The following RDH11 variants were observed in gnomAD, a reference collection of about 807,000 sequenced individuals.
The protein encoded by RDH11 is HCV core-binding protein HCBP12.
In RDH11, 19 loss-of-function variants were observed where a neutral mutation model predicts 33.4. The ratio of observed to expected loss-of-function variants is 0.57; its 90% confidence interval spans 0.40 to 0.83. The LOEUF (loss-of-function observed/expected upper bound fraction) is 0.83, where lower values mean the gene tolerates loss of function less well. Among genes scored for constraint, RDH11 ranks in the 40% least tolerant of loss-of-function variants. The pLI is 0.00. For missense variants in RDH11, 353 were observed against 389.0 expected (o/e 0.91, Z 0.78); for synonymous variants, 154 against 155.3 (o/e 0.99, Z 0.06).
Position 67,695,722 on chromosome 14 carries a change from C to A in RDH11, c.-19G>T, listed in dbSNP as rs1050094223. ...CAACCATCTCTGCCGGCTGCAGCGG[C>A]ACCAGAGCGGGATGCTCCAGCGTTG... On this transcript the variant is annotated 5_prime_UTR_variant, in exon 1 of 7. Transcript: ENST00000381346. 7 of 1,613,262 alleles carry A rather than the reference C, an allele frequency of 4.3e-6. No individual in the cohort carries two copies. In the African/African-American group the frequency reaches 5.3e-5, roughly 12 times the overall value.
chr14:67,692,417 T>C, intron 3 of RDH11, 21 bp downstream of exon 3: 1 of 1,612,948 alleles, frequency 6.2e-7, no homozygotes, highest in Non-Finnish European at 8.5e-7. Context: ...CACAACATAG[T>C]CTCTCTAGTT....
chr14:67,678,893 A>AC (rs2037577152), intron 6 of RDH11, among the ~76,000 whole-genome samples: 1 of 152,220 alleles, frequency 6.6e-6, no homozygotes, highest in Non-Finnish European at 1.5e-5. Flanking sequence ...ACTGTTAGTA[A>AC]ACTCATATGA....
intron 5 of RDH11, among the ~76,000 whole-genome samples, chr14:67,685,807 G>C (rs1047322718): frequency 5.3e-5 from 8 of 151,952 alleles, no homozygotes; most frequent in African/African-American, 1.9e-4. Context: ...GTGGAGACGG[G>C]ATTTCATCAT....
intron 3 of RDH11, 71 bp from the exon 4 acceptor site, chr14:67,691,315 G>T: frequency 2.0e-6 from 2 of 999,326 alleles, no homozygotes; most frequent in South Asian, 1.3e-5. Context: ...GCTGCCTCAC[G>T]CTCAGGCTTT....
chr14:67,679,069 C>T (rs2037580028), intron 6 of RDH11, among the ~76,000 whole-genome samples: 1 of 152,288 alleles, frequency 6.6e-6, no homozygotes, highest in East Asian at 1.9e-4. Context: ...ATTATGGAAG[C>T]TGAGAAGTCC....
chr14:67,679,466 C>T (rs556975857), intron 6 of RDH11, among the ~76,000 whole-genome samples: 1 of 148,014 alleles, frequency 6.8e-6, no homozygotes, highest in African/African-American at 2.5e-5. Context: ...TGCAGTGATG[C>T]GATCTCAGCT....
rs2037821611 is a variant in RDH11, at chr14:67,695,640, G to T, written c.64C>A (p.Pro22Thr). Residue 22 changes from proline (P) to threonine (T), a missense_variant, in exon 1 of 7, where the codon CCC becomes ACC. Coordinates refer to ENST00000381346, the MANE Select transcript of RDH11 (RefSeq NM_016026.4). The part of the protein sequence containing the change: ...LLPFLLYMAA[P>T]QIRKMLSSGV... ...TACATTTGCACAGACCTGATTTGGG[G>T]CGCAGCCATATACAGAAGGAAGGGC... 2 of 1,613,984 alleles carry T rather than the reference G, an allele frequency of 1.2e-6. No homozygotes were observed. Among genetic ancestry groups the T allele is most frequent in the African/African-American group, 2.7e-5 (2 of 74,954 alleles).
At chr14:67,682,566 A>T (rs2037628303) in intron 6 of RDH11, among the ~76,000 whole-genome samples, 1 of 152,238 alleles carries the variant, frequency 6.6e-6, no homozygotes, top group Non-Finnish European at 1.5e-5. Flanking sequence ...CTTCATACTC[A>T]CTAGGATGGC....
chr14:67,682,839 A>C (rs895303212), intron 6 of RDH11, among the ~76,000 whole-genome samples: 1 of 152,242 alleles, frequency 6.6e-6, no homozygotes, highest in Non-Finnish European at 1.5e-5. Flanking sequence ...AATGCCCATC[A>C]CCTGATGAAT....
intron 6 of RDH11, 132 bp downstream of exon 6, chr14:67,684,883 G>A: frequency 3.2e-6 from 2 of 615,944 alleles, no homozygotes; most frequent in Middle Eastern, 3.8e-4. Context: ...CTACTAAAAG[G>A]TAAAAACTCT....
chr14:67,680,655 CATT>C (rs2037604096), intron 6 of RDH11, among the ~76,000 whole-genome samples: 1 of 152,162 alleles, frequency 6.6e-6, no homozygotes, highest in East Asian at 1.9e-4. Flanking sequence ...GATGGGGTCT[CATT>C]ATGTTGCCTA....
chr14:67,678,845 A>C (rs149715580), intron 6 of RDH11, among the ~76,000 whole-genome samples: 2 of 152,232 alleles, frequency 1.3e-5, no homozygotes, highest in East Asian at 3.9e-4. Flanking sequence ...TAGTAAAAAA[A>C]AAAAAGAAAT....
In RDH11 at chr14:67,678,101, T is replaced by TTA. The variant is rs1265090120; in HGVS notation, c.*219_*220insTA. Reference sequence around the variant, plus strand: ...TCTTATCCTATTATGATATCTCTAGTAACTCTGGCAGTAACAGAAGCAAAG... The same window carrying TTA: ...TCTTATCCTATTATGATATCTCTAGTTAAACTCTGGCAGTAACAGAAGCAAAG... On this transcript the variant is annotated 3_prime_UTR_variant, in exon 7 of 7. Coordinates refer to ENST00000381346, the MANE Select transcript of RDH11 (RefSeq NM_016026.4). 2.0e-4 allele frequency: 98 copies of TTA among 482,332 alleles called. No individual in the cohort carries two copies. Among genetic ancestry groups the TTA allele is most frequent in the Middle Eastern group, 1.2e-3 (2 of 1,698 alleles). The allele number at this position is 482,332 out of a possible 1,614,324, so 29.9% of individuals were successfully genotyped here.
At position 67,684,356 on chromosome 14, in the gene RDH11, G is replaced by A. The variant is rs138239681; in HGVS notation, c.854+659C>T. The stretch of plus-strand genomic sequence containing the variant: ...CCTGGGATTTGCTTCAAAATAATAT[G>A]GGAGAAGAAAAATATGGAAAGGGGT... On this transcript the variant is annotated intron_variant, in intron 6 of 6. Coordinates refer to ENST00000381346, the MANE Select transcript of RDH11 (RefSeq NM_016026.4). 1.3e-3 allele frequency among the ~76,000 whole-genome samples: 191 copies of A among 152,236 alleles called. No homozygotes were observed. The Middle Eastern group carries it at 0.024, about 19-fold the overall frequency.
intron 1 of RDH11, among the ~76,000 whole-genome samples, chr14:67,694,002 A>C (rs1278128941): frequency 6.6e-6 from 1 of 152,122 alleles, no homozygotes; most frequent in Non-Finnish European, 1.5e-5. Flanking sequence ...CAAATGAATG[A>C]ATGCACAAAC....
chr14:67,694,932 C>T (rs1421957211), intron 1 of RDH11, among the ~76,000 whole-genome samples: 1 of 152,100 alleles, frequency 6.6e-6, no homozygotes, highest in African/African-American at 2.4e-5. Flanking sequence ...GGTTTTACAG[C>T]CCGCTGCTGA....
rs1418392029 is a variant in RDH11, at chr14:67,677,304, A to C, written c.*1017T>G. 5 of 149,082 alleles carry C rather than the reference A, an allele frequency of 3.4e-5. No individual in the cohort carries two copies. The East Asian group carries it at 9.9e-4, about 29-fold the overall frequency. 9.2% of individuals were successfully genotyped at this position (149,082 alleles called of 1,614,324 possible). A position where few individuals can be genotyped will look rare whatever the true frequency, so the allele number is the denominator to read the frequency against. ...TAAATTGACCATAATTACCAATATC[A>C]GTCCCTAAGATAATTTTTCTGAATG... On this transcript the variant is annotated 3_prime_UTR_variant, in exon 7 of 7. Transcript: ENST00000381346.
intron 1 of RDH11, 71 bp from the exon 2 acceptor site, chr14:67,693,123 C>G (rs1322325389): frequency 2.1e-6 from 2 of 957,806 alleles, no homozygotes; most frequent in African/African-American, 3.3e-5. Context: ...CTGCAACTCC[C>G]TGTGTCTTCT....
chr14:67,693,048 T>C lies in RDH11; in HGVS notation c.79A>G (p.Met27Val). The change falls in exon 2 of 7, where the codon ATG becomes GTG. Residue 27 changes from methionine (M) to valine (V), a missense_variant. Met to Val is a conservative substitution (Grantham distance 21). Coordinates refer to ENST00000381346, the MANE Select transcript of RDH11 (RefSeq NM_016026.4). ...LYMAAPQIRK[M>V]LSSGVCTSTV... ...GATGTACACACCCCACTGGACAGCA[T>C]TTTCCTGCAGACAGAGAAGGAGAGC... The C allele has an allele frequency of 6.2e-7, 1 of 1,608,890 alleles. No homozygotes were observed. Among genetic ancestry groups the C allele is most frequent in the Non-Finnish European group, 8.5e-7 (1 of 1,176,344 alleles).
Sources: allele counts gnomAD v4.1 joint callset (sites outside exome capture counted in the v4.1 genomes callset), GRCh38; gene constraint gnomAD v4.1.1; transcripts MANE v1.5; gene names NCBI Gene and HGNC (gene_info 2026-07-23, HGNC 2026-07-21).